GCSAML: variants seen among roughly 807,000 people sequenced by gnomAD.
GCSAML encodes germinal center associated signaling and motility like.
Under a neutral mutation model 13.0 loss-of-function variants are expected in GCSAML, and 9 were observed. That is an observed-to-expected ratio of 0.69 (90% CI 0.42 to 1.21). The LOEUF (loss-of-function observed/expected upper bound fraction) is 1.21, where lower values mean the gene tolerates loss of function less well. Ranked by LOEUF, GCSAML falls within the 50% of genes most tolerant of loss-of-function variation. The pLI is 0.00. For synonymous variants in GCSAML, 37 were observed against 52.9 expected (o/e 0.70, Z 1.31); for missense variants, 143 against 153.4 (o/e 0.93, Z 0.36).
At chr1:247,561,815 G>A (rs1307511323) in intron 2 of GCSAML, among the ~76,000 whole-genome samples, 1 of 152,130 alleles carries the variant, frequency 6.6e-6, no homozygotes, top group Non-Finnish European at 1.5e-5. Context: ...ATGCGTGTGT[G>A]TTTAAGGAGG....
chr1:247,524,635 A>G (rs1666584761), intron 1 of GCSAML: 1 of 152,182 alleles, frequency 6.6e-6, no homozygotes, highest in African/African-American at 2.4e-5. Context: ...ATAATAATTC[A>G]TTTCTTTGAA....
intron 4 of GCSAML, among the ~76,000 whole-genome samples, chr1:247,571,932 A>G (rs1247231246): frequency 6.6e-6 from 1 of 151,736 alleles, no homozygotes; most frequent in Non-Finnish European, 1.5e-5. Flanking sequence ...CATTGTCTTC[A>G]TGCTTTATTT....
intron 2 of GCSAML, among the ~76,000 whole-genome samples, chr1:247,536,706 G>C (rs1040987860): frequency 2.6e-5 from 4 of 152,144 alleles, no homozygotes; most frequent in Non-Finnish European, 5.9e-5. Flanking sequence ...TACACACACA[G>C]AATTGTTTCT....
At chr1:247,513,715 C>T (rs974893752) in intron 1 of GCSAML, among the ~76,000 whole-genome samples, 4 of 152,170 alleles carry the variant, frequency 2.6e-5, no homozygotes, top group African/African-American at 9.7e-5. Flanking sequence ...CTGCAGTGCA[C>T]CATTCCTCAG....
At chr1:247,514,369 A>G (rs1199054769) in intron 1 of GCSAML, among the ~76,000 whole-genome samples, 2 of 152,124 alleles carry the variant, frequency 1.3e-5, no homozygotes, top group South Asian at 2.1e-4. Flanking sequence ...GATTTTAGAT[A>G]TTAGTCCTTT....
At chr1:247,563,542 G>A (rs772900215) in intron 2 of GCSAML, 48 bp from the exon 3 acceptor site, 5 of 1,166,714 alleles carry the variant, frequency 4.3e-6, no homozygotes, top group African/African-American at 1.5e-5. Flanking sequence ...GGCATTTTCA[G>A]CTTTGGAGAA....
intron 2 of GCSAML, among the ~76,000 whole-genome samples, chr1:247,543,312 TA>T (rs1667467696): frequency 6.6e-6 from 1 of 152,230 alleles, no homozygotes; most frequent in Non-Finnish European, 1.5e-5. Flanking sequence ...TGTACTACAA[TA>T]AGGTATTTTG....
chr1:247,574,374 C>G lies in GCSAML; in HGVS notation c.400C>G (p.Pro134Ala), dbSNP rs751425598. ...TGAGCATGATTATGAAGTTGTGTTT[C>G]CACACTAAAATCCTCAAGCTGCTTT... ...THEHDYEVVF[P>A]H Residue 134 changes from proline (P) to alanine (A), a missense_variant, in exon 5 of 5, where the codon CCA (proline) becomes GCA (alanine). By Grantham distance (27) the Pro-to-Ala change is conservative. Coordinates refer to ENST00000366488, the MANE Select transcript of GCSAML (RefSeq NM_145278.5). 42 of 1,613,802 alleles carry G rather than the reference C, an allele frequency of 2.6e-5. No homozygotes were observed. The highest frequency in any genetic ancestry group is 3.3e-5 in the Non-Finnish European group (39 of 1,179,912).
intron 1 of GCSAML, among the ~76,000 whole-genome samples, chr1:247,552,906 C>T (rs1488993612): frequency 6.6e-6 from 1 of 152,138 alleles, no homozygotes; most frequent in African/African-American, 2.4e-5. Flanking sequence ...CAGGCACGCA[C>T]CACCATGCCC....
intron 1 of GCSAML, among the ~76,000 whole-genome samples, chr1:247,553,735 G>C (rs995995485): frequency 6.6e-6 from 1 of 152,114 alleles, no homozygotes; most frequent in Non-Finnish European, 1.5e-5. Context: ...CAAGGAGCTG[G>C]GATTACAGGC....
chr1:247,517,721 A>C (rs1666261546), intron 1 of GCSAML, among the ~76,000 whole-genome samples: 1 of 152,190 alleles, frequency 6.6e-6, no homozygotes, highest in Non-Finnish European at 1.5e-5. Flanking sequence ...TCAGTGCTAG[A>C]TAACCAGCAG....
chr1:247,533,244 A>T (rs1463901470), intron 2 of GCSAML, among the ~76,000 whole-genome samples: 2 of 152,106 alleles, frequency 1.3e-5, no homozygotes, highest in Non-Finnish European at 2.9e-5. Context: ...AGTACTCTCA[A>T]AAAAGTGTTG....
chr1:247,536,965 A>G (rs550698629), intron 2 of GCSAML, among the ~76,000 whole-genome samples: 29 of 152,328 alleles, frequency 1.9e-4, no homozygotes, highest in African/African-American at 6.7e-4. Flanking sequence ...TTATTTTGGT[A>G]AAATACAGAT....
chr1:247,515,210 A>G (rs771015046), intron 1 of GCSAML, among the ~76,000 whole-genome samples: 6 of 152,246 alleles, frequency 3.9e-5, no homozygotes, highest in Non-Finnish European at 5.9e-5. Flanking sequence ...AGGAGCCATT[A>G]GACAAGGCAG....
At chr1:247,541,489 G>A (rs1029747203) in intron 2 of GCSAML, among the ~76,000 whole-genome samples, 1 of 152,070 alleles carries the variant, frequency 6.6e-6, no homozygotes, top group Non-Finnish European at 1.5e-5. Context: ...GCTGAAACTG[G>A]GGTGCAGATG....
chr1:247,517,277 A>C (rs2103304546), intron 1 of GCSAML, among the ~76,000 whole-genome samples: 1 of 152,206 alleles, frequency 6.6e-6, no homozygotes, highest in African/African-American at 2.4e-5. Flanking sequence ...TATTTTCCCC[A>C]AAATGTACAG....
intron 1 of GCSAML, among the ~76,000 whole-genome samples, chr1:247,516,270 G>C (rs1029984936): frequency 4.3e-4 from 65 of 152,174 alleles, no homozygotes; most frequent in African/African-American, 1.5e-3. Flanking sequence ...TTGTAATACT[G>C]TGTTGACATT....
chr1:247,520,526 T>A (rs1472602461), intron 1 of GCSAML, among the ~76,000 whole-genome samples: 1 of 150,302 alleles, frequency 6.7e-6, no homozygotes, highest in Non-Finnish European at 1.5e-5. Context: ...CCCCACCTCT[T>A]CACACACACA....
In GCSAML at chr1:247,523,769, A is replaced by G. The variant is rs368176661; in HGVS notation, c.-262-3171A>G. Among the ~76,000 whole-genome samples, 254 of 152,334 alleles carry G rather than the reference A, an allele frequency of 1.7e-3. 1 individual carries two copies. Among genetic ancestry groups the G allele is most frequent in the African/African-American group, 5.8e-3 (242 of 41,564 alleles). On this transcript the variant is annotated intron_variant, in intron 1 of 5. Transcript: ENST00000366489. ...AATGATTGATGCCTTGTTCTACTAG[A>G]TGACAAAATATACTATACATCAACA...
Sources: allele counts gnomAD v4.1 joint callset (sites outside exome capture counted in the v4.1 genomes callset), GRCh38; gene constraint gnomAD v4.1.1; transcripts MANE v1.5; gene names NCBI Gene and HGNC (gene_info 2026-07-23, HGNC 2026-07-21).